Variants in FGD6 observed in about 807,000 individuals in gnomAD.
The protein encoded by FGD6 is FYVE, RhoGEF and PH domain containing 6.
FGD6 carries 90 observed loss-of-function variants against 149.4 expected under a neutral mutation model. The observed-to-expected ratio is 0.60, with a 90% CI of 0.51 to 0.72. FGD6 has a LOEUF of 0.72. Ranked by LOEUF, FGD6 falls within the 30% of genes least tolerant of loss-of-function variation. The pLI is 0.00. For synonymous variants in FGD6, 527 were observed against 584.0 expected, an observed-to-expected ratio of 0.90 and a Z score of 1.41; for missense variants, 1,437 against 1,684.8, an observed-to-expected ratio of 0.85 and a Z score of 2.57.
At position 95,183,038 on chromosome 12, in the gene FGD6, C is replaced by T. The variant is rs1186465570; in HGVS notation, c.2442-10294G>A. 2.0e-5 allele frequency among the ~76,000 whole-genome samples: 3 copies of T among 152,236 alleles called. No homozygotes were observed. In the East Asian group the frequency reaches 5.8e-4, roughly 29 times the overall value. On this transcript the variant is annotated intron_variant, in intron 2 of 20. Transcript: ENST00000343958. ...CTACTCCGCCTGGCCACGCTATGCTCTTGATTGTGAGTCAGCACAAAACCA... is the reference window on the plus strand; with the variant it reads ...CTACTCCGCCTGGCCACGCTATGCTTTTGATTGTGAGTCAGCACAAAACCA...
chr12:95,172,091 C>A (rs7961230), intron 3 of FGD6, among the ~76,000 whole-genome samples: 95,667 of 150,104 alleles, frequency 0.64, 30,540 homozygotes, highest in Admixed American at 0.67. Flanking sequence ...AAAAGAATTT[C>A]TTTGCCTGGC....
chr12:95,139,660 C>CT lies in FGD6; in HGVS notation c.2837+1727dup, dbSNP rs570540891. Among the ~76,000 whole-genome samples the CT allele has an allele frequency of 7.9e-3, 1,066 of 135,400 alleles. 17 individuals are homozygous for CT. The highest frequency in any genetic ancestry group is 0.024 in the African/African-American group (891 of 36,646). The allele number at this position is 135,400 out of a possible 152,430, so 88.8% of individuals were successfully genotyped here. A position where few individuals can be genotyped will look rare whatever the true frequency, so the allele number is the denominator to read the frequency against. On this transcript the variant is annotated intron_variant, in intron 6 of 20. Coordinates refer to ENST00000343958, the MANE Select transcript of FGD6 (RefSeq NM_018351.4). ...CAGTTATATTTTATTTCTATCATGA[C>CT]TTTTTTTTTTTTTTTAAAGGAGTCT...
At position 95,092,857 on chromosome 12, in the gene FGD6, G is replaced by C. The variant is rs778976457; in HGVS notation, c.3601-12C>G. ...TTTTCTGAGTCTGCCTGTGGAAGAAGAACAACTTCTGATTATCTCCATGCA... is the reference window on the plus strand; with the variant it reads ...TTTTCTGAGTCTGCCTGTGGAAGAACAACAACTTCTGATTATCTCCATGCA... On this transcript the variant is annotated splice_polypyrimidine_tract_variant and intron_variant, in intron 15 of 20. Transcript: ENST00000343958. 8.8e-6 allele frequency: 14 copies of C among 1,599,530 alleles called. No homozygotes were observed. The South Asian group carries it at 1.4e-4, about 15-fold the overall frequency.
At chr12:95,085,691 TAA>T in intron 19 of FGD6, 87 bp downstream of exon 19, 1 of 1,417,626 alleles carries the variant, frequency 7.1e-7, no homozygotes, top group Non-Finnish European at 9.4e-7. Context: ...AAATCTTATG[TAA>T]AATAAATGGA....
chr12:95,148,586 A>G (rs1193744368), intron 5 of FGD6, among the ~76,000 whole-genome samples: 3 of 120,664 alleles, frequency 2.5e-5, no homozygotes, highest in African/African-American at 6.0e-5. Flanking sequence ...CATAGCATAT[A>G]TTATATAATA....
intron 8 of FGD6, among the ~76,000 whole-genome samples, chr12:95,131,806 G>A (rs1161362274): frequency 6.6e-6 from 1 of 152,142 alleles, no homozygotes; most frequent in Non-Finnish European, 1.5e-5. Context: ...TGGAAAAGCC[G>A]AGGTGGGCAG....
chr12:95,106,041 A>T (rs1878608409), intron 13 of FGD6, among the ~76,000 whole-genome samples: 1 of 152,170 alleles, frequency 6.6e-6, no homozygotes, highest in Admixed American at 6.6e-5. Context: ...ACAAATGCAT[A>T]AACAGTAACA....
At chr12:95,126,766 A>G (rs945131411) in intron 8 of FGD6, among the ~76,000 whole-genome samples, 2 of 151,702 alleles carry the variant, frequency 1.3e-5, no homozygotes, top group African/African-American at 4.8e-5. Flanking sequence ...AAGAAAAAAC[A>G]GAACAATAAA....
Position 95,092,624 on chromosome 12 carries a change from G to T in FGD6, c.3747+75C>A, listed in dbSNP as rs1878093601. 25 of 1,446,620 alleles carry T rather than the reference G, an allele frequency of 1.7e-5. No homozygotes were observed. The South Asian group carries it at 3.2e-4, about 19-fold the overall frequency. The allele number at this position is 1,446,620 out of a possible 1,614,324, so 89.6% of individuals were successfully genotyped here. A position where few individuals can be genotyped will look rare whatever the true frequency, so the allele number is the denominator to read the frequency against. On this transcript the variant is annotated intron_variant, in intron 16 of 20. Coordinates refer to ENST00000343958, the MANE Select transcript of FGD6 (RefSeq NM_018351.4). ...CTTGAACTATAATGGTTTATGAGGG[G>T]AAATATGCTTCCTCACTATGTACAG...
intron 2 of FGD6, among the ~76,000 whole-genome samples, chr12:95,198,596 C>T (rs112357674): frequency 0.068 from 10,350 of 152,128 alleles, 433 homozygotes; most frequent in South Asian, 0.13. Flanking sequence ...CCCGCCACCA[C>T]GCCCGGCTAA....
At chr12:95,131,924 C>T (rs1879532554) in intron 8 of FGD6, among the ~76,000 whole-genome samples, 1 of 152,112 alleles carries the variant, frequency 6.6e-6, no homozygotes, top group Non-Finnish European at 1.5e-5. Context: ...CCTGTAATCC[C>T]AGCTACTTGG....
chr12:95,152,569 T>C (rs1295851767), intron 5 of FGD6, among the ~76,000 whole-genome samples: 1 of 152,220 alleles, frequency 6.6e-6, no homozygotes, highest in African/African-American at 2.4e-5. Context: ...AGCAAGTATC[T>C]TCAGCAAATG....
intron 2 of FGD6, among the ~76,000 whole-genome samples, chr12:95,190,554 A>T (rs559933235): frequency 6.6e-6 from 1 of 152,160 alleles, no homozygotes; most frequent in African/African-American, 2.4e-5. Flanking sequence ...ATCGATATCT[A>T]ATTAGTCCAT....
chr12:95,210,577 G>C lies in FGD6; in HGVS notation c.707C>G (p.Pro236Arg). The change falls in exon 2 of 21, where the codon CCT becomes CGT. Residue 236 changes from proline to arginine, a missense_variant. Pro to Arg is a moderately radical substitution (Grantham distance 103). Transcript: ENST00000343958. ...CTGTAAGTGGCAACTGTGATGATCA[G>C]GAACTTTTTCAAAGCTGGATGGGGA... The part of the protein sequence containing the change: ...SPSPSSFEKV[P>R]DHHSCHLQLP... The C allele has an allele frequency of 3.1e-6, 5 of 1,614,174 alleles. No homozygotes were observed. In the South Asian group the frequency reaches 4.4e-5, roughly 14 times the overall value.
chr12:95,084,078 G>T (rs903470550), intron 20 of FGD6, among the ~76,000 whole-genome samples: 2 of 152,154 alleles, frequency 1.3e-5, no homozygotes, highest in African/African-American at 4.8e-5. Flanking sequence ...AGAAGTTAGC[G>T]AGCAGCTGTT....
At chr12:95,127,104 T>C (rs546051489) in intron 8 of FGD6, among the ~76,000 whole-genome samples, 1 of 151,990 alleles carries the variant, frequency 6.6e-6, no homozygotes, top group African/African-American at 2.4e-5. Flanking sequence ...TTGTCTGGAG[T>C]GCAGGACAGC....
chr12:95,126,802 C>T (rs1879359618), intron 8 of FGD6, among the ~76,000 whole-genome samples: 1 of 151,576 alleles, frequency 6.6e-6, no homozygotes, highest in Non-Finnish European at 1.5e-5. Context: ...GTAGTGGGCA[C>T]CCATAACCCC....
chr12:95,174,125 T>A (rs970945210), intron 2 of FGD6, among the ~76,000 whole-genome samples: 2 of 152,016 alleles, frequency 1.3e-5, no homozygotes, highest in African/African-American at 4.8e-5. Flanking sequence ...CCCCAAGACA[T>A]GCAGGAGACT....
intron 8 of FGD6, among the ~76,000 whole-genome samples, chr12:95,131,233 T>C (rs1422312152): frequency 6.6e-6 from 1 of 151,310 alleles, no homozygotes; most frequent in Non-Finnish European, 1.5e-5. Flanking sequence ...CTCAGCCTCC[T>C]GAGTAGCTGG....
Sources: allele counts gnomAD v4.1 joint callset (sites outside exome capture counted in the v4.1 genomes callset), GRCh38; gene constraint gnomAD v4.1.1; transcripts MANE v1.5; gene names NCBI Gene and HGNC (gene_info 2026-07-23, HGNC 2026-07-21).